Variants in MCPH1 observed in about 807,000 individuals in gnomAD.
MCPH1 encodes microcephalin.
A neutral mutation model predicts 84.5 loss-of-function variants in MCPH1; 104 were observed. The observed-to-expected ratio is 1.23, with a 90% CI of 1.05 to 1.45. The LOEUF is 1.45. MCPH1 is among the 40% of genes most tolerant of loss of function. The pLI is 0.00. For missense variants in MCPH1, 1,498 were observed against 1,005.7 expected (o/e 1.49, Z -6.62); for synonymous variants, 514 against 366.8 (o/e 1.40, Z -4.58).
intron 3 of MCPH1, among the ~76,000 whole-genome samples, chr8:6,417,825 T>G (rs1013357823): frequency 6.6e-6 from 1 of 152,216 alleles, no homozygotes; most frequent in Non-Finnish European, 1.5e-5. Context: ...TTTGATAGTG[T>G]GTCACATTTT....
At chr8:6,506,489 C>T (rs1300219684) in intron 12 of MCPH1, among the ~76,000 whole-genome samples, 2 of 152,154 alleles carry the variant, frequency 1.3e-5, no homozygotes, top group Non-Finnish European at 2.9e-5. Flanking sequence ...CTGAGAAGCT[C>T]AGCACATACG....
chr8:6,503,238 G>T, intron 12 of MCPH1: 1 of 1,614,114 alleles, frequency 6.2e-7, no homozygotes, highest in Non-Finnish European at 8.5e-7. Context: ...AAGTTGGAAG[G>T]ACCACATGCA....
At chr8:6,559,230 A>AACACACAC (rs59299448) in intron 12 of MCPH1, among the ~76,000 whole-genome samples, 96,410 of 146,620 alleles carry the variant, frequency 0.66, 35,774 homozygotes, top group Non-Finnish European at 0.84. Context: ...CACACACGAC[A>AACACACAC]ACACACACAC....
intron 12 of MCPH1, chr8:6,501,807 T>C (rs1812250330): frequency 6.6e-6 from 1 of 152,178 alleles, no homozygotes; most frequent in African/African-American, 2.4e-5. Flanking sequence ...TCTGCCCACC[T>C]TGCCTACCAA....
intron 12 of MCPH1, among the ~76,000 whole-genome samples, chr8:6,537,952 C>T (rs534815257): frequency 6.6e-6 from 1 of 152,130 alleles, no homozygotes; most frequent in African/African-American, 2.4e-5. Flanking sequence ...TCTGAGTGAC[C>T]TAAGGTGGAC....
At chr8:6,605,822 C>G (rs1239393588) in intron 12 of MCPH1, among the ~76,000 whole-genome samples, 1 of 152,204 alleles carries the variant, frequency 6.6e-6, no homozygotes, top group East Asian at 1.9e-4. Flanking sequence ...CTCAGACTCC[C>G]AAGTAGCTGG....
At position 6,414,260 on chromosome 8, in the gene MCPH1, G is replaced by A. The variant is rs1331011587; in HGVS notation, c.115-505G>A. ...TGACCTCAGGTGATCCACCTGCCTC[G>A]GCCTCCCAAAGTGCTGGGATTACAG... is the stretch of plus-strand genomic sequence containing the variant. On this transcript the variant is annotated intron_variant, in intron 2 of 13. Transcript: ENST00000344683. Among the ~76,000 whole-genome samples, 12 of 152,300 alleles carry A rather than the reference G, an allele frequency of 7.9e-5. 1 individual carries two copies. The highest frequency in any genetic ancestry group is 2.4e-4 in the African/African-American group (10 of 41,564).
intron 11 of MCPH1, among the ~76,000 whole-genome samples, chr8:6,481,861 A>C (rs1334382400): frequency 6.6e-6 from 1 of 152,226 alleles, no homozygotes; most frequent in Non-Finnish European, 1.5e-5. Flanking sequence ...CCTCTCATCC[A>C]GGGTTTTGTT....
intron 13 of MCPH1, among the ~76,000 whole-genome samples, chr8:6,633,411 C>T (rs973442887): frequency 5.3e-5 from 8 of 152,124 alleles, no homozygotes; most frequent in Admixed American, 3.9e-4. Flanking sequence ...TAACAGAAAA[C>T]ATAGTAAATA....
chr8:6,489,955 G>T (rs1810379042), intron 11 of MCPH1, among the ~76,000 whole-genome samples: 1 of 152,234 alleles, frequency 6.6e-6, no homozygotes, highest in Non-Finnish European at 1.5e-5. Context: ...GAGGGTACTT[G>T]TTGCCACCCA....
At chr8:6,605,428 A>T (rs1829686595) in intron 12 of MCPH1, among the ~76,000 whole-genome samples, 1 of 152,184 alleles carries the variant, frequency 6.6e-6, no homozygotes, top group Non-Finnish European at 1.5e-5. Flanking sequence ...GAAAAGTGTT[A>T]TGCGATGGGA....
chr8:6,429,034 C>A (rs1382584658), intron 3 of MCPH1, among the ~76,000 whole-genome samples: 1 of 152,172 alleles, frequency 6.6e-6, no homozygotes, highest in East Asian at 1.9e-4. Context: ...CACCTCACTC[C>A]CACATACACT....
At position 6,643,109 on chromosome 8, in the gene MCPH1, C is replaced by G; in HGVS notation, c.*60C>G. On this transcript the variant is annotated 3_prime_UTR_variant, in exon 14 of 14. Transcript: ENST00000344683. ...GCTCGCAAAACTGTCTTTGGATGTTCAAATGAGAAACAAAACTGTGAAGAG... is the reference window on the plus strand; with the variant it reads ...GCTCGCAAAACTGTCTTTGGATGTTGAAATGAGAAACAAAACTGTGAAGAG... 7.0e-7 allele frequency: 1 copy of G among 1,424,616 alleles called. No homozygotes were observed. Among genetic ancestry groups the G allele is most frequent in the East Asian group, 2.3e-5 (1 of 43,988 alleles). 88.2% of individuals were successfully genotyped at this position (1,424,616 alleles called of 1,614,324 possible).
chr8:6,409,349 G>T lies in MCPH1; in HGVS notation c.93G>T (p.Gln31His). The T allele has an allele frequency of 1.2e-6, 2 of 1,613,812 alleles. No individual in the cohort carries two copies. Among genetic ancestry groups the T allele is most frequent in the Non-Finnish European group, 1.7e-6 (2 of 1,179,732 alleles). ...ATTATTCAAAGACATTTACAACACAGCTTGTGGATATGGGGGCAAAGGTAA... is the reference window on the plus strand; with the variant it reads ...ATTATTCAAAGACATTTACAACACATCTTGTGGATATGGGGGCAAAGGTAA... The part of the protein sequence containing the change: ...TENYSKTFTT[Q>H]LVDMGAKVSK... Residue 31 changes from glutamine to histidine, a missense_variant, in exon 2 of 14, where the codon CAG (glutamine) becomes CAT (histidine). Gln to His is a conservative substitution (Grantham distance 24, BLOSUM62 0). Transcript: ENST00000344683.
intron 12 of MCPH1, among the ~76,000 whole-genome samples, chr8:6,613,367 G>T (rs1355648984): frequency 2.6e-5 from 4 of 152,206 alleles, no homozygotes; most frequent in East Asian, 1.9e-4. Flanking sequence ...CGATGCCGGT[G>T]CAGAGAAGCT....
At chr8:6,500,949 A>G (rs554332965) in intron 12 of MCPH1, 1 of 152,348 alleles carries the variant, frequency 6.6e-6, no homozygotes, top group East Asian at 1.9e-4. Context: ...CTACCTAAGT[A>G]TCCATCACTC....
intron 3 of MCPH1, among the ~76,000 whole-genome samples, chr8:6,419,674 G>T (rs201467246): frequency 6.6e-6 from 1 of 151,676 alleles, no homozygotes; most frequent in South Asian, 2.1e-4. Flanking sequence ...AGTGCAACCC[G>T]GCATTAAAGA....
At chr8:6,433,410 A>C (rs1024301415) in intron 4 of MCPH1, among the ~76,000 whole-genome samples, 1 of 152,138 alleles carries the variant, frequency 6.6e-6, no homozygotes, top group East Asian at 1.9e-4. Context: ...AGGCGGGCAA[A>C]TCAGTTGAGG....
intron 13 of MCPH1, among the ~76,000 whole-genome samples, chr8:6,629,043 T>C (rs773841490): frequency 9.8e-5 from 15 of 152,334 alleles, no homozygotes; most frequent in African/African-American, 3.4e-4. Flanking sequence ...CCAGAATTCA[T>C]AGGTTGAAGC....
Sources: gnomAD v4.1 joint callset for allele counts (sites outside exome capture counted in the v4.1 genomes callset) on GRCh38, gnomAD v4.1.1 for gene constraint, MANE v1.5 for transcripts, NCBI Gene and HGNC (gene_info 2026-07-23, HGNC 2026-07-21) for gene names.